The following SGIP1 variants were observed in gnomAD, a reference collection of about 807,000 sequenced individuals.
SGIP1 encodes the protein SH3-containing GRB2-like protein 3-interacting protein 1.
A neutral mutation model predicts 107.5 loss-of-function variants in SGIP1; 38 were observed. That is an observed-to-expected ratio of 0.35 (90% CI 0.27 to 0.46). The LOEUF (loss-of-function observed/expected upper bound fraction) is 0.46. SGIP1 is among the 20% of genes least tolerant of loss of function. The pLI is 1.00. For missense variants in SGIP1, 929 were observed against 1,019.5 expected, an observed-to-expected ratio of 0.91 and a Z score of 1.21; for synonymous variants, 365 against 366.1, an observed-to-expected ratio of 1.00 and a Z score of 0.03.
At chr1:66,716,239 C>T (rs1403321406) in intron 18 of SGIP1, among the ~76,000 whole-genome samples, 2 of 152,220 alleles carry the variant, frequency 1.3e-5, no homozygotes, top group Non-Finnish European at 1.5e-5. Flanking sequence ...AGAGTTCCTT[C>T]GCAATGGATG....
chr1:66,579,106 CTGTAAAATTACATACACAT>C (rs1480950343), intron 1 of SGIP1, among the ~76,000 whole-genome samples: 1 of 152,178 alleles, frequency 6.6e-6, no homozygotes, highest in Non-Finnish European at 1.5e-5. Flanking sequence ...ATTTTGGGGT[CTGTAAAATTACATACACAT>C]TTACTGATAG....
chr1:66,534,469 T>C, intron 1 of SGIP1, 101 bp downstream of exon 1: 1 of 1,358,976 alleles, frequency 7.4e-7, no homozygotes, highest in Non-Finnish European at 1.1e-6. Context: ...TTCTAGAACC[T>C]GGTTGCCAAT....
chr1:66,610,754 TG>T (rs35393120), intron 1 of SGIP1, among the ~76,000 whole-genome samples: 56,574 of 151,786 alleles, frequency 0.37, 11,418 homozygotes, highest in African/African-American at 0.53. Context: ...AGGATTATCC[TG>T]GGGTCAAATT....
Position 66,609,057 on chromosome 1 carries a change from G to T in SGIP1, c.11-16790G>T, listed in dbSNP as rs566109729. 4.2e-5 allele frequency among the ~76,000 whole-genome samples: 3 copies of T among 71,850 alleles called. No individual in the cohort carries two copies. In the Admixed American group the frequency reaches 5.3e-4, roughly 13 times the overall value. The allele number at this position is 71,850 out of a possible 152,430, so 47.1% of individuals were successfully genotyped here. A position where few individuals can be genotyped will look rare whatever the true frequency, so the allele number is the denominator to read the frequency against. On this transcript the variant is annotated intron_variant, in intron 1 of 24. Coordinates refer to ENST00000371037, the MANE Select transcript of SGIP1 (RefSeq NM_032291.4). ...GGGATGAAGGTCACTTTTGACACTT[G>T]AGCCTTTGCTTGGCTTGGAGCCCTC... is the stretch of plus-strand genomic sequence containing the variant.
rs1339061837 is a variant in SGIP1, at chr1:66,747,669, CA to C, written c.*4575del. On this transcript the variant is annotated 3_prime_UTR_variant, in exon 25 of 25. Transcript: ENST00000371037. The stretch of plus-strand genomic sequence containing the variant: ...TGACTTTACAAACATGTGGTAGCCT[CA>C]TTCTAAAAGAGTTGCACGAATATTT... 6.6e-6 allele frequency: 1 copy of C among 151,938 alleles called. No homozygotes were observed. Among genetic ancestry groups the C allele is most frequent in the Admixed American group, 6.6e-5 (1 of 15,260 alleles). The allele number at this position is 151,938 out of a possible 1,614,324, so 9.4% of individuals were successfully genotyped here.
At chr1:66,579,253 C>T (rs1184114172) in intron 1 of SGIP1, among the ~76,000 whole-genome samples, 1 of 152,136 alleles carries the variant, frequency 6.6e-6, no homozygotes, top group Non-Finnish European at 1.5e-5. Context: ...TTTCCCGAAG[C>T]TACATGTACT....
intron 1 of SGIP1, among the ~76,000 whole-genome samples, chr1:66,548,243 TGAG>T (rs1385306017): frequency 6.6e-6 from 1 of 152,064 alleles, no homozygotes; most frequent in Non-Finnish European, 1.5e-5. Context: ...TTTATTTTTT[TGAG>T]GAGGAGGAGG....
rs1444032312 is a variant in SGIP1 at position 66,739,168 on chromosome 1, T to C, written c.2032-167T>C. On this transcript the variant is annotated intron_variant, in intron 21 of 24. Coordinates refer to ENST00000371037, the MANE Select transcript of SGIP1 (RefSeq NM_032291.4). ...ACTCTAATAGCTGCTTTCGTGTTTT[T>C]AGTCTGTAACAGTTTACTTGAAGCA... 3.3e-5 allele frequency among the ~76,000 whole-genome samples: 5 copies of C among 152,122 alleles called. No homozygotes were observed. The South Asian group carries it at 8.3e-4, about 25-fold the overall frequency.
At chr1:66,711,587 G>A (rs602513) in intron 18 of SGIP1, among the ~76,000 whole-genome samples, 87,328 of 151,912 alleles carry the variant, frequency 0.57, 26,174 homozygotes, top group East Asian at 1. Context: ...CTTCTGGAGC[G>A]TCGTCTGTCT....
chr1:66,625,097 A>T (rs2072300209), intron 1 of SGIP1, among the ~76,000 whole-genome samples: 1 of 152,222 alleles, frequency 6.6e-6, no homozygotes, highest in Non-Finnish European at 1.5e-5. Flanking sequence ...AGGTGATACC[A>T]TTTGATATAT....
intron 15 of SGIP1, among the ~76,000 whole-genome samples, chr1:66,682,838 T>A (rs936419494): frequency 1.3e-5 from 2 of 152,038 alleles, no homozygotes; most frequent in African/African-American, 4.8e-5. Context: ...TTCTATTTTT[T>A]TCTTTTCTTT....
intron 2 of SGIP1, among the ~76,000 whole-genome samples, chr1:66,632,392 T>C (rs192461741): frequency 1.7e-4 from 26 of 152,290 alleles, no homozygotes; most frequent in African/African-American, 6.0e-4. Context: ...CAGAGAAATA[T>C]GGAGGAAAGT....
At chr1:66,586,977 GTTGTT>G (rs1352308078) in intron 1 of SGIP1, among the ~76,000 whole-genome samples, 1 of 151,868 alleles carries the variant, frequency 6.6e-6, no homozygotes, top group Non-Finnish European at 1.5e-5. Context: ...GTTTTTTGTT[GTTGTT>G]TAGTTTGTCT....
chr1:66,636,915 C>T (rs1210856715), intron 4 of SGIP1, among the ~76,000 whole-genome samples: 1 of 152,074 alleles, frequency 6.6e-6, no homozygotes, highest in Non-Finnish European at 1.5e-5. Context: ...ATAATGTATG[C>T]CTAACCAAAG....
intron 19 of SGIP1, among the ~76,000 whole-genome samples, chr1:66,728,722 A>G (rs1179515452): frequency 6.6e-6 from 1 of 152,180 alleles, no homozygotes; most frequent in Non-Finnish European, 1.5e-5. Context: ...TCAATGATAG[A>G]CTAGATAAAG....
chr1:66,679,104 T>C (rs1435021985), intron 13 of SGIP1, among the ~76,000 whole-genome samples: 1 of 152,218 alleles, frequency 6.6e-6, no homozygotes, highest in Non-Finnish European at 1.5e-5. Context: ...CATTCCTCCT[T>C]GACCCAAGCA....
intron 7 of SGIP1, among the ~76,000 whole-genome samples, chr1:66,657,033 A>C (rs1334466136): frequency 2.0e-5 from 3 of 151,770 alleles, no homozygotes; most frequent in Non-Finnish European, 4.4e-5. Flanking sequence ...AAAATTACCC[A>C]GGCGCAGTGG....
intron 1 of SGIP1, among the ~76,000 whole-genome samples, chr1:66,599,117 AT>A (rs1463161522): frequency 3.3e-5 from 5 of 152,218 alleles, no homozygotes; most frequent in African/African-American, 1.2e-4. Flanking sequence ...ATTTATGTGT[AT>A]TTTTTCAAAC....
intron 4 of SGIP1, among the ~76,000 whole-genome samples, chr1:66,639,004 A>G (rs1366118474): frequency 6.6e-6 from 1 of 152,140 alleles, no homozygotes; most frequent in African/African-American, 2.4e-5. Flanking sequence ...GGCAATATCT[A>G]TTTGGGTGAT....
Sources: allele counts gnomAD v4.1 joint callset (sites outside exome capture counted in the v4.1 genomes callset), GRCh38; gene constraint gnomAD v4.1.1; transcripts MANE v1.5; gene names NCBI Gene and HGNC (gene_info 2026-07-23, HGNC 2026-07-21).